Variants in GRIP1 observed in about 807,000 individuals in gnomAD.
GRIP1 encodes glutamate receptor-interacting protein 1.
A neutral mutation model predicts 129.9 loss-of-function variants in GRIP1; 45 were observed. The ratio of observed to expected loss-of-function variants is 0.35; its 90% CI spans 0.27 to 0.44. The LOEUF (loss-of-function observed/expected upper bound fraction) is 0.44, where lower values mean the gene tolerates loss of function less well. Ranked by LOEUF, GRIP1 falls within the 20% of genes least tolerant of loss-of-function variation. The pLI is 1.00. For synonymous variants in GRIP1, 530 were observed against 520.8 expected (o/e 1.02, Z -0.24); for missense variants, 1,196 against 1,396.8 (o/e 0.86, Z 2.29).
chr12:66,533,880 T>C (rs144874936), intron 4 of GRIP1, among the ~76,000 whole-genome samples: 1,995 of 128,628 alleles, frequency 0.016, 20 homozygotes, highest in African/African-American at 0.025. Flanking sequence ...CACACACACA[T>C]ACACACACTC....
chr12:66,506,450 T>C (rs1238050668), intron 7 of GRIP1, among the ~76,000 whole-genome samples: 1 of 152,186 alleles, frequency 6.6e-6, no homozygotes, highest in South Asian at 2.1e-4. Flanking sequence ...AAATACACTG[T>C]ATGATTTCAT....
At chr12:66,456,886 A>G (rs534838618) in intron 9 of GRIP1, among the ~76,000 whole-genome samples, 1 of 152,322 alleles carries the variant, frequency 6.6e-6, no homozygotes, top group Admixed American at 6.5e-5. Flanking sequence ...GATTTTCCTC[A>G]ACAATAAACC....
intron 4 of GRIP1, among the ~76,000 whole-genome samples, 196 bp from the exon 5 acceptor site, chr12:66,530,110 T>C (rs1458726748): frequency 6.6e-6 from 1 of 152,242 alleles, no homozygotes; most frequent in East Asian, 1.9e-4. Flanking sequence ...TCTGTATAAG[T>C]GACTCATATA....
chr12:66,852,435 G>T (rs980075556), intron 1 of GRIP1, among the ~76,000 whole-genome samples: 3 of 150,904 alleles, frequency 2.0e-5, no homozygotes, highest in African/African-American at 7.3e-5. Context: ...AGTTTAGTTA[G>T]GAAAGATTTT....
chr12:67,052,685 G>A (rs940082151), intron 1 of GRIP1, among the ~76,000 whole-genome samples: 62 of 150,662 alleles, frequency 4.1e-4, no homozygotes, highest in African/African-American at 1.3e-3. Context: ...GCGTAAACCC[G>A]TGAGGCAGAG....
intron 1 of GRIP1, among the ~76,000 whole-genome samples, chr12:66,761,396 A>G (rs2037471085): frequency 1.3e-5 from 2 of 152,056 alleles, no homozygotes; most frequent in South Asian, 4.1e-4. Flanking sequence ...TTATTTCTGC[A>G]TATTTGCTTA....
chr12:66,917,546 A>T (rs1041043234), intron 1 of GRIP1, among the ~76,000 whole-genome samples: 2 of 152,214 alleles, frequency 1.3e-5, no homozygotes, highest in African/African-American at 4.8e-5. Flanking sequence ...TTTGTGTATG[A>T]CATTAATTGA....
chr12:67,022,495 A>G (rs1300545529), intron 1 of GRIP1, among the ~76,000 whole-genome samples: 2 of 152,172 alleles, frequency 1.3e-5, no homozygotes, highest in Non-Finnish European at 2.9e-5. Flanking sequence ...AATTTTAACT[A>G]TTCCAGAAAC....
At chr12:67,055,003 AG>A (rs2043411365) in intron 1 of GRIP1, among the ~76,000 whole-genome samples, 1 of 152,224 alleles carries the variant, frequency 6.6e-6, no homozygotes, top group Non-Finnish European at 1.5e-5. Flanking sequence ...TTACCAATGT[AG>A]AGGTTATTGG....
chr12:66,448,723 A>G (rs41505246), intron 11 of GRIP1, among the ~76,000 whole-genome samples: 11,753 of 152,172 alleles, frequency 0.077, 1,265 homozygotes, highest in African/African-American at 0.24. Flanking sequence ...ACTACAGAGC[A>G]AGGCCTCATC....
At chr12:66,395,124 G>A (rs1043527628) in intron 16 of GRIP1, among the ~76,000 whole-genome samples, 1 of 152,212 alleles carries the variant, frequency 6.6e-6, no homozygotes, top group East Asian at 1.9e-4. Context: ...ACTTGTGAAT[G>A]TGCTCTGCCT....
chr12:66,541,223 G>A (rs2061771305), intron 3 of GRIP1, among the ~76,000 whole-genome samples: 1 of 152,080 alleles, frequency 6.6e-6, no homozygotes, highest in South Asian at 2.1e-4. Flanking sequence ...TTCTGCCTTT[G>A]GCAATAACTA....
intron 11 of GRIP1, among the ~76,000 whole-genome samples, chr12:66,451,878 T>G (rs890059538): frequency 2.6e-5 from 4 of 152,214 alleles, no homozygotes; most frequent in Admixed American, 6.5e-5. Flanking sequence ...GCTCCCTGAA[T>G]GGTCACTTAT....
intron 7 of GRIP1, among the ~76,000 whole-genome samples, chr12:66,498,510 C>T (rs972253784): frequency 6.6e-6 from 1 of 151,890 alleles, no homozygotes; most frequent in African/African-American, 2.4e-5. Flanking sequence ...ATTTTATTTC[C>T]TCTGATTTCT....
chr12:66,971,038 C>G (rs917060316), intron 1 of GRIP1, among the ~76,000 whole-genome samples: 1 of 152,146 alleles, frequency 6.6e-6, no homozygotes, highest in Non-Finnish European at 1.5e-5. Flanking sequence ...AATCCATGTA[C>G]GTGTGAGACC....
At chr12:67,041,770 CAA>C (rs199828117) in intron 1 of GRIP1, among the ~76,000 whole-genome samples, 1 of 128,438 alleles carries the variant, frequency 7.8e-6, no homozygotes. Context: ...AGCCACAGGA[CAA>C]AAAAAAAAAC....
intron 8 of GRIP1, among the ~76,000 whole-genome samples, chr12:66,463,379 G>T (rs1369622902): frequency 6.6e-6 from 1 of 152,100 alleles, no homozygotes; most frequent in African/African-American, 2.4e-5. Context: ...AAAGTTGAGG[G>T]AAAGCGAGCA....
chr12:66,473,374 G>T (rs1366891178), intron 7 of GRIP1, among the ~76,000 whole-genome samples: 1 of 152,232 alleles, frequency 6.6e-6, no homozygotes, highest in Admixed American at 6.5e-5. Flanking sequence ...CAGAGCACCT[G>T]GGGGAAGGGG....
intron 1 of GRIP1, among the ~76,000 whole-genome samples, chr12:66,736,051 T>A (rs1407819848): frequency 6.6e-6 from 1 of 152,122 alleles, no homozygotes; most frequent in Non-Finnish European, 1.5e-5. Flanking sequence ...GCTGAGGGGT[T>A]GGGGAGGGCT....
Sources: allele counts gnomAD v4.1 joint callset (sites outside exome capture counted in the v4.1 genomes callset), GRCh38; gene constraint gnomAD v4.1.1; transcripts MANE v1.5; gene names NCBI Gene and HGNC (gene_info 2026-07-23, HGNC 2026-07-21).